Variants in B4GALT1 observed in about 807,000 individuals in gnomAD.
The protein encoded by B4GALT1 is beta-1,4-galactosyltransferase 1.
A neutral mutation model predicts 34.9 loss-of-function variants in B4GALT1; 16 were observed. The observed-to-expected ratio is 0.46, with a 90% CI of 0.31 to 0.70. B4GALT1 has a LOEUF of 0.70. Among genes scored for constraint, B4GALT1 ranks in the 30% least tolerant of loss-of-function variants. B4GALT1 has a pLI of 0.05. For missense variants in B4GALT1, 445 were observed against 530.5 expected (o/e 0.84, Z 1.58); for synonymous variants, 221 against 218.1 (o/e 1.01, Z -0.12).
At position 33,111,380 on chromosome 9, in the gene B4GALT1, G is replaced by A. The variant is rs1156818230; in HGVS notation, c.*2074C>T. On this transcript the variant is annotated 3_prime_UTR_variant, in exon 6 of 6. Transcript: ENST00000379731. ...TTTTAAGGCACTTTGGAAAAGTCAG[G>A]ATCTGCGGACAGAAAGAGAGGCTTT... is the stretch of plus-strand genomic sequence containing the variant. 6.6e-6 allele frequency: 1 copy of A among 152,356 alleles called. No individual in the cohort carries two copies. 9.4% of individuals were successfully genotyped at this position (152,356 alleles called of 1,614,324 possible). A position where few individuals can be genotyped will look rare whatever the true frequency, so the allele number is the denominator to read the frequency against.
rs111444019 is a variant in B4GALT1 at position 33,141,053 on chromosome 9, G to T, written c.413-5629C>A. Among the ~76,000 whole-genome samples, 1,494 of 152,302 alleles carry T rather than the reference G, an allele frequency of 9.8e-3. 23 individuals are homozygous for T. The highest frequency in any genetic ancestry group is 0.034 in the African/African-American group (1,407 of 41,546). On this transcript the variant is annotated intron_variant, in intron 1 of 5. Transcript: ENST00000379731. ...AGGAAGCCTTCCCAGACCACTCAAG[G>T]TTGGTTCTTAAGCATTTCACCCACT...
intron 3 of B4GALT1, among the ~76,000 whole-genome samples, chr9:33,120,214 A>G (rs1004018322): frequency 1.3e-5 from 2 of 151,774 alleles, no homozygotes; most frequent in African/African-American, 4.8e-5. Context: ...AAAGGGGGGA[A>G]AATTTGTTTT....
Position 33,167,286 on chromosome 9 carries a change from C to T in B4GALT1, c.-117G>A, listed in dbSNP as rs896680170. On this transcript the variant is annotated 5_prime_UTR_variant, in exon 1 of 6. Transcript: ENST00000379731. ...ACTAGGGGAGGGCCCGGAGCGGGGG[C>T]GGGCGAGCGGCTGAGAGCTGAGACT... The T allele has an allele frequency of 1.9e-5, 25 of 1,317,540 alleles. No homozygotes were observed. Among genetic ancestry groups the T allele is most frequent in the Non-Finnish European group, 2.2e-5 (22 of 1,012,412 alleles). The allele number at this position is 1,317,540 out of a possible 1,614,324, so 81.6% of individuals were successfully genotyped here. A position where few individuals can be genotyped will look rare whatever the true frequency, so the allele number is the denominator to read the frequency against.
intron 1 of B4GALT1, among the ~76,000 whole-genome samples, chr9:33,162,986 G>C (rs1011953664): frequency 2.0e-5 from 3 of 152,098 alleles, no homozygotes; most frequent in African/African-American, 7.2e-5. Context: ...AAAAACAACA[G>C]GACAAAACTG....
chr9:33,117,506 G>A (rs1013683153), intron 3 of B4GALT1, among the ~76,000 whole-genome samples: 1 of 152,156 alleles, frequency 6.6e-6, no homozygotes, highest in Non-Finnish European at 1.5e-5. Context: ...AAAGGCTGTG[G>A]TTTTGTGTGA....
At chr9:33,134,206 T>C (rs530455781) in intron 2 of B4GALT1, among the ~76,000 whole-genome samples, 4 of 152,176 alleles carry the variant, frequency 2.6e-5, no homozygotes, top group Admixed American at 1.3e-4. Context: ...CCTGGGGTCA[T>C]AGGGAAGGTG....
At chr9:33,184,284 AC>A in the B4GALT1 span, among the ~76,000 whole-genome samples, 73 of 152,018 alleles carry the variant, frequency 4.8e-4, 1 homozygote, top group East Asian at 5.6e-3. Flanking sequence ...ACACACACAC[AC>A]ACAAAAACAT....
downstream of B4GALT1, among the ~76,000 whole-genome samples, chr9:33,110,251 C>T (rs1280498415): frequency 6.6e-6 from 1 of 152,194 alleles, no homozygotes; most frequent in Non-Finnish European, 1.5e-5. Context: ...TTGGATAATT[C>T]CCTTCAAGTT....
intron 2 of B4GALT1, 65 bp downstream of exon 2, chr9:33,135,124 A>G (rs780940367): frequency 5.9e-4 from 873 of 1,486,668 alleles, no homozygotes; most frequent in Admixed American, 8.0e-4. Flanking sequence ...CCCTCATTAC[A>G]CACACATCTG....
rs1427654421 is a variant in B4GALT1 at position 33,112,370 on chromosome 9, G to A, written c.*1084C>T. The A allele has an allele frequency of 1.3e-5, 2 of 152,400 alleles. No individual in the cohort carries two copies. The highest frequency in any genetic ancestry group is 2.1e-4 in the South Asian group (1 of 4,832). The allele number at this position is 152,400 out of a possible 1,614,324, so 9.4% of individuals were successfully genotyped here. A position where few individuals can be genotyped will look rare whatever the true frequency, so the allele number is the denominator to read the frequency against. ...AAGTGGAGAGTTCTGCACAGTAGGTGCAGAGGCTTCTGTCTCCCAGGTATC... is the reference window on the plus strand; with the variant it reads ...AAGTGGAGAGTTCTGCACAGTAGGTACAGAGGCTTCTGTCTCCCAGGTATC... On this transcript the variant is annotated 3_prime_UTR_variant, in exon 6 of 6. Transcript: ENST00000379731.
At position 33,110,653 on chromosome 9, in the gene B4GALT1, G is replaced by A. The variant is rs781337108; in HGVS notation, c.*2801C>T. 7.9e-5 allele frequency: 12 copies of A among 152,128 alleles called. No individual in the cohort carries two copies. Among genetic ancestry groups the A allele is most frequent in the Non-Finnish European group, 1.5e-4 (10 of 68,022 alleles). 9.4% of individuals were successfully genotyped at this position (152,128 alleles called of 1,614,324 possible). ...GAAACCACCTGCAGTTACAAAGATA[G>A]GGTCATTTATTCACGTTATATTATT... On this transcript the variant is annotated 3_prime_UTR_variant, in exon 6 of 6. Coordinates refer to ENST00000379731, the MANE Select transcript of B4GALT1 (RefSeq NM_001497.4).
rs1371318586 is a variant in B4GALT1 at position 33,135,362 on chromosome 9, G to T, written c.475C>A (p.Pro159Thr). 5.0e-6 allele frequency: 8 copies of T among 1,614,164 alleles called. No individual in the cohort carries two copies. The highest frequency in any genetic ancestry group is 6.8e-6 in the Non-Finnish European group (8 of 1,180,036). Residue 159 changes from proline to threonine, a missense_variant, in exon 2 of 6, where the codon CCA becomes ACA. By Grantham distance (38) the Pro-to-Thr change is conservative (BLOSUM62 -1). Coordinates refer to ENST00000379731, the MANE Select transcript of B4GALT1 (RefSeq NM_001497.4). ...VDLELVAKQN[P>T]NVKMGGRYAP... ...TAGCGGCCGCCCATCTTCACATTTG[G>T]GTTCTGCTTTGCCACGAGCTCCAGG... is the stretch of plus-strand genomic sequence containing the variant.
chr9:33,104,553 AGCC>A, exon 3 of B4GALT1: 1 of 345,304 alleles, frequency 2.9e-6, no homozygotes, highest in Non-Finnish European at 5.7e-6. Flanking sequence ...GAGAACAGGT[AGCC>A]GCTGAAAAGC....
chr9:33,110,529 T>C (rs956523078), downstream of B4GALT1: 1 of 152,178 alleles, frequency 6.6e-6, no homozygotes, highest in African/African-American at 2.4e-5. Context: ...AAATGTCTGA[T>C]TCCAGGGAGG....
chr9:33,173,684 T>C, the B4GALT1 span, among the ~76,000 whole-genome samples: 1 of 151,572 alleles, frequency 6.6e-6, no homozygotes, highest in African/African-American at 2.4e-5. Context: ...AGCAGCCAAG[T>C]CTTGGTTTCT....
Position 33,135,246 on chromosome 9 carries a change from A to G in B4GALT1, c.591T>C (p.Tyr197=). Residue 197 remains tyrosine, a synonymous_variant, in exon 2 of 6, where the codon TAT becomes TAC. Transcript: ENST00000379731. ...GCTGGCGCTGCAGGACTGGGTGCAA[A>G]TAATATAGCCAGTACTTGAGGTGCT... ...RQEHLKYWLY[Y]LHPVLQRQQL... The G allele has an allele frequency of 6.2e-7, 1 of 1,614,178 alleles. No individual in the cohort carries two copies. The highest frequency in any genetic ancestry group is 8.5e-7 in the Non-Finnish European group (1 of 1,180,026).
upstream of B4GALT1, among the ~76,000 whole-genome samples, chr9:33,168,020 C>T (rs1324137273): frequency 6.6e-6 from 1 of 152,140 alleles, no homozygotes; most frequent in Non-Finnish European, 1.5e-5. Context: ...GTGTGTGTGG[C>T]GGGAGTCCTG....
At chr9:33,183,943 C>T in the B4GALT1 span, among the ~76,000 whole-genome samples, 1 of 151,894 alleles carries the variant, frequency 6.6e-6, no homozygotes, top group Non-Finnish European at 1.5e-5. Context: ...CGCATGTTCT[C>T]ACTTGTTAAG....
At chr9:33,135,889 A>AGG (rs1564044777) in intron 1 of B4GALT1, among the ~76,000 whole-genome samples, 1 of 94,456 alleles carries the variant, frequency 1.1e-5, no homozygotes, top group South Asian at 3.8e-4. Context: ...CTAACTGGGG[A>AGG]AGTGTGTGTG....
Sources: gnomAD v4.1 joint callset for allele counts (sites outside exome capture counted in the v4.1 genomes callset) on GRCh38, gnomAD v4.1.1 for gene constraint, MANE v1.5 for transcripts, NCBI Gene and HGNC (gene_info 2026-07-23, HGNC 2026-07-21) for gene names.